PLCG1: variants seen among roughly 807,000 people sequenced by gnomAD.
PLCG1 encodes the protein phospholipase C gamma 1, also known as 1-phosphatidylinositol 4,5-bisphosphate phosphodiesterase gamma-1.
A neutral mutation model predicts 177.8 loss-of-function variants in PLCG1; 71 were observed. The observed-to-expected ratio is 0.40, with a 90% confidence interval of 0.33 to 0.49. The LOEUF (loss-of-function observed/expected upper bound fraction) is 0.49, where lower values mean the gene tolerates loss of function less well. Among genes scored for constraint, PLCG1 ranks in the 20% least tolerant of loss-of-function variants. The probability of loss-of-function intolerance (pLI) is 0.72; values close to 1 mark genes in which losing one functional copy is unlikely to be tolerated. For missense variants in PLCG1, 1,281 were observed against 1,709.0 expected, an observed-to-expected ratio of 0.75 and a Z score of 4.42; for synonymous variants, 658 against 647.9, an observed-to-expected ratio of 1.02 and a Z score of -0.24.
Position 41,152,082 on chromosome 20 carries a change from T to TGGA in PLCG1, c.218-7524_218-7523insGGA, listed in dbSNP as rs201712291. Among the ~76,000 whole-genome samples, 1,070 of 152,334 alleles carry TGGA rather than the reference T, an allele frequency of 7.0e-3. 13 individuals carry two copies. The highest frequency in any genetic ancestry group is 0.024 in the African/African-American group (1,013 of 41,574). ...CTCTGGTGGAGAAGGCTTAGCTCCA[T>TGGA]TAATGCTCTCCTAGGTCCTGGCTGT... On this transcript the variant is annotated intron_variant, in intron 1 of 31. Coordinates refer to ENST00000685551, the MANE Select transcript of PLCG1 (RefSeq NM_002660.3).
chr20:41,164,332 T>TACAC lies in PLCG1; in HGVS notation c.1217+131_1217+132insACAC. 3 of 919,468 alleles carry TACAC rather than the reference T, an allele frequency of 3.3e-6. No individual in the cohort carries two copies. The highest frequency in any genetic ancestry group is 1.6e-5 in the South Asian group (1 of 63,224). The allele number at this position is 919,468 out of a possible 1,614,324, so 57.0% of individuals were successfully genotyped here. On this transcript the variant is annotated intron_variant, in intron 12 of 31. Transcript: ENST00000685551. The surrounding 1 kb of genome is among the most constrained non-coding windows in gnomAD (Gnocchi z 6.4). ...CAGCCTTTCATCTTTGTCCTTCCTC[T>TACAC]TGGCCTCTCCTCGTCACCTGCTCCC...
In PLCG1 at chr20:41,173,377, G is replaced by A. The variant is rs368742823; in HGVS notation, c.3280-43G>A. ...AGCCTCCGCAGTGGGGAATTGGAGGGAGCAGGAAGGACAATCCCAGGCCCT... is the reference window on the plus strand; with the variant it reads ...AGCCTCCGCAGTGGGGAATTGGAGGAAGCAGGAAGGACAATCCCAGGCCCT... On this transcript the variant is annotated intron_variant, in intron 27 of 31. Coordinates refer to ENST00000685551, the MANE Select transcript of PLCG1 (RefSeq NM_002660.3). The surrounding 1 kb of genome is among the most constrained non-coding windows in gnomAD (Gnocchi z 6.2). 39 of 1,517,118 alleles carry A rather than the reference G, an allele frequency of 2.6e-5. No individual in the cohort carries two copies. The highest frequency in any genetic ancestry group is 1.0e-4 in the Admixed American group (5 of 48,542). 94.0% of individuals were successfully genotyped at this position (1,517,118 alleles called of 1,614,324 possible).
In PLCG1 at chr20:41,173,639, G is replaced by A. The variant is rs200515642; in HGVS notation, c.3395-13G>A. The A allele has an allele frequency of 6.1e-5, 98 of 1,614,146 alleles. No individual in the cohort carries two copies. Among genetic ancestry groups the A allele is most frequent in the South Asian group, 1.4e-4 (13 of 91,082 alleles). On this transcript the variant is annotated splice_polypyrimidine_tract_variant and intron_variant, in intron 28 of 31. Coordinates refer to ENST00000685551, the MANE Select transcript of PLCG1 (RefSeq NM_002660.3). This position sits in a 1 kb window ranked among gnomAD's most constrained non-coding sequence, Gnocchi z 6.2. ...CCACGGTGACCTGAAGCCTTTTGTC[G>A]TTGCCTTCACAGTGGACAATGGACT...
At chr20:41,149,274 G>T (rs1398127085) in intron 1 of PLCG1, among the ~76,000 whole-genome samples, 2 of 152,142 alleles carry the variant, frequency 1.3e-5, no homozygotes, top group African/African-American at 4.8e-5. Context: ...GCTCCTTGAG[G>T]TACTTGTATT....
rs192746025 is a variant in PLCG1, at chr20:41,150,609, T to C, written c.218-8997T>C. Among the ~76,000 whole-genome samples the C allele has an allele frequency of 2.0e-5, 3 of 152,236 alleles. No individual in the cohort carries two copies. Among genetic ancestry groups the C allele is most frequent in the South Asian group, 2.1e-4 (1 of 4,822 alleles). The stretch of plus-strand genomic sequence containing the variant: ...AATCTTCTGGGCTTGTGCAGAAAAG[T>C]TGGGGAAAGCCACCTTTCCCTACTG... On this transcript the variant is annotated intron_variant, in intron 1 of 31. Coordinates refer to ENST00000685551, the MANE Select transcript of PLCG1 (RefSeq NM_002660.3). The surrounding 1 kb of genome is among the most constrained non-coding windows in gnomAD (Gnocchi z 4.0).
In PLCG1 at chr20:41,159,636, C is replaced by T; in HGVS notation, c.248C>T (p.Pro83Leu). The T allele has an allele frequency of 6.2e-7, 1 of 1,614,208 alleles. No homozygotes were observed. Among genetic ancestry groups the T allele is most frequent in the African/African-American group, 1.3e-5 (1 of 75,052 alleles). Residue 83 changes from proline to leucine, a missense_variant, in exon 2 of 32, where the codon CCA becomes CTA. Around this residue, in one of 4 missense-constraint regions of PLCG1, gnomAD observed 374 missense variants for 443.8 expected, o/e 0.84. Transcript: ENST00000685551. The surrounding 1 kb of genome is among the most constrained non-coding windows in gnomAD (Gnocchi z 6.0). ...IDIREIKEIR[P>L]GKTSRDFDRY... Reference sequence around the variant, plus strand: ...ATTCGTGAAATTAAGGAGATCCGCCCAGGGAAGACCTCACGGGACTTTGAT... The same window carrying T: ...ATTCGTGAAATTAAGGAGATCCGCCTAGGGAAGACCTCACGGGACTTTGAT...
chr20:41,170,079 A>T, intron 23 of PLCG1, 33 bp from the exon 24 acceptor site: 1 of 1,580,020 alleles, frequency 6.3e-7, no homozygotes, highest in African/African-American at 1.3e-5. Flanking sequence ...TGAGATGTCT[A>T]TTCCCAGCTG....
Position 41,163,029 on chromosome 20 carries a change from G to A in PLCG1, c.716+37G>A, listed in dbSNP as rs1436027921. 6.2e-7 allele frequency: 1 copy of A among 1,606,436 alleles called. No homozygotes were observed. On this transcript the variant is annotated intron_variant, in intron 7 of 31. Transcript: ENST00000685551. The surrounding 1 kb of genome is among the most constrained non-coding windows in gnomAD (Gnocchi z 5.2). ...AGTGGGGAGGTGGGGTTTTCCCTGG[G>A]CCCCCTTCATCTCTCCACTGGGCGA...
Position 41,166,988 on chromosome 20 carries a change from C to G in PLCG1, c.2301+129C>G. On this transcript the variant is annotated intron_variant, in intron 19 of 31. Coordinates refer to ENST00000685551, the MANE Select transcript of PLCG1 (RefSeq NM_002660.3). The surrounding 1 kb of genome is among the most constrained non-coding windows in gnomAD (Gnocchi z 8.6). ...AAGTTCGTGGGAGGGCCCCTGACTCCAGCTGGGAGCCACAGTGTGGGTACC... is the reference window on the plus strand; with the variant it reads ...AAGTTCGTGGGAGGGCCCCTGACTCGAGCTGGGAGCCACAGTGTGGGTACC... 1 of 816,356 alleles carries G rather than the reference C, an allele frequency of 1.2e-6. No individual in the cohort carries two copies. The highest frequency in any genetic ancestry group is 2.0e-6 in the Non-Finnish European group (1 of 496,528). 50.6% of individuals were successfully genotyped at this position (816,356 alleles called of 1,614,324 possible). A position where few individuals can be genotyped will look rare whatever the true frequency, so the allele number is the denominator to read the frequency against.
Position 41,163,484 on chromosome 20 carries a change from G to A in PLCG1, c.891+5G>A, listed in dbSNP as rs779485110. 6.3e-7 allele frequency: 1 copy of A among 1,594,186 alleles called. No individual in the cohort carries two copies. The highest frequency in any genetic ancestry group is 8.6e-7 in the Non-Finnish European group (1 of 1,163,742). On this transcript the variant is annotated splice_donor_5th_base_variant and intron_variant, in intron 9 of 31. Coordinates refer to ENST00000685551, the MANE Select transcript of PLCG1 (RefSeq NM_002660.3). The surrounding 1 kb of genome is among the most constrained non-coding windows in gnomAD (Gnocchi z 5.2). ...CCATACTTCTTCCTGGATGAGGTGA[G>A]CCCGATGTTTCACCCATTTTTTGTC...
In PLCG1 at chr20:41,156,027, G is replaced by A. The variant is rs192634668; in HGVS notation, c.218-3579G>A. On this transcript the variant is annotated intron_variant, in intron 1 of 31. Coordinates refer to ENST00000685551, the MANE Select transcript of PLCG1 (RefSeq NM_002660.3). This position sits in a 1 kb window ranked among gnomAD's most constrained non-coding sequence, Gnocchi z 5.0. Reference sequence around the variant, plus strand: ...CCATCAGGGCAGGGAGCAGAGCAAGGCCCCAGGATTCTGCCTGGGGCACCA... The same window carrying A: ...CCATCAGGGCAGGGAGCAGAGCAAGACCCCAGGATTCTGCCTGGGGCACCA... 2.0e-5 allele frequency among the ~76,000 whole-genome samples: 3 copies of A among 152,292 alleles called. No homozygotes were observed. The highest frequency in any genetic ancestry group is 2.0e-4 in the Admixed American group (3 of 15,308).
rs2035806496 is a variant in PLCG1 at position 41,169,107 on chromosome 20, CAGCT to C, written c.2513_2516del (p.Gln838ArgfsTer30). 1.9e-6 allele frequency: 3 copies of C among 1,613,940 alleles called. No individual in the cohort carries two copies. Among genetic ancestry groups the C allele is most frequent in the Non-Finnish European group, 2.5e-6 (3 of 1,179,892 alleles). ...GCGAGGGGACTACGGAGGGAAGAAG[CAGCT>C]GTGGTTCCCATCAAACTACGTGGAA... On this transcript the variant is annotated frameshift_variant, in exon 22 of 32. Transcript: ENST00000685551. LOFTEE classifies it high-confidence loss of function.
In PLCG1 at chr20:41,162,514, G is replaced by A. The variant is rs2035541471; in HGVS notation, c.575G>A (p.Arg192His). The A allele has an allele frequency of 6.2e-7, 1 of 1,613,946 alleles. No individual in the cohort carries two copies. The highest frequency in any genetic ancestry group is 1.3e-5 in the African/African-American group (1 of 75,010). Residue 192 changes from arginine (R) to histidine (H), a missense_variant, in exon 5 of 32, where the codon CGC becomes CAC. Coordinates refer to ENST00000685551, the MANE Select transcript of PLCG1 (RefSeq NM_002660.3). ...SQVNYRVPNM[R>H]FLRERLTDLE... Reference sequence around the variant, plus strand: ...GTCAACTACCGGGTCCCCAACATGCGCTTCCTCCGAGAGCGGCTGACGGTA... The same window carrying A: ...GTCAACTACCGGGTCCCCAACATGCACTTCCTCCGAGAGCGGCTGACGGTA...
Position 41,150,218 on chromosome 20 carries a change from G to A in PLCG1, c.218-9388G>A, listed in dbSNP as rs555684250. Among the ~76,000 whole-genome samples, 109 of 152,300 alleles carry A rather than the reference G, an allele frequency of 7.2e-4. No individual in the cohort carries two copies. Among genetic ancestry groups the A allele is most frequent in the Admixed American group, 4.7e-3 (72 of 15,300 alleles). ...ATGGTGGCTCACACCTGTAATCCCA[G>A]CACTTTGGGAGGCCGAAGTGAGAGG... On this transcript the variant is annotated intron_variant, in intron 1 of 31. Transcript: ENST00000685551. The surrounding 1 kb of genome is among the most constrained non-coding windows in gnomAD (Gnocchi z 4.0).
intron 1 of PLCG1, among the ~76,000 whole-genome samples, chr20:41,145,192 G>T (rs1296736072): frequency 6.6e-6 from 1 of 152,172 alleles, no homozygotes. Flanking sequence ...TGTTTGCTAT[G>T]TGTGCTAACC....
intron 1 of PLCG1, among the ~76,000 whole-genome samples, chr20:41,138,365 T>C (rs993570978): frequency 6.6e-6 from 1 of 152,172 alleles, no homozygotes; most frequent in Non-Finnish European, 1.5e-5. Context: ...TAGGCAGATG[T>C]TGGGTAGGGC....
At position 41,148,605 on chromosome 20, in the gene PLCG1, C is replaced by T. The variant is rs1178320664; in HGVS notation, c.217+10747C>T. Among the ~76,000 whole-genome samples the T allele has an allele frequency of 6.6e-6, 1 of 152,092 alleles. No homozygotes were observed. The highest frequency in any genetic ancestry group is 1.9e-4 in the East Asian group (1 of 5,192). On this transcript the variant is annotated intron_variant, in intron 1 of 31. Coordinates refer to ENST00000685551, the MANE Select transcript of PLCG1 (RefSeq NM_002660.3). This position sits in a 1 kb window ranked among gnomAD's most constrained non-coding sequence, Gnocchi z 4.3. ...ATAGTATTTTTCTTGAATAAGGTCC[C>T]CAAAACCTTATTAAGTTCCTGGTAG...
Position 41,166,881 on chromosome 20 carries a change from G to A in PLCG1, c.2301+22G>A. On this transcript the variant is annotated intron_variant, in intron 19 of 31. Coordinates refer to ENST00000685551, the MANE Select transcript of PLCG1 (RefSeq NM_002660.3). The surrounding 1 kb of genome is among the most constrained non-coding windows in gnomAD (Gnocchi z 8.6). ...AGCTGTGAGGGGGCTGTGGTAGACG[G>A]GGCATGGCAGGGGAGGCAGGAGAGA... The A allele has an allele frequency of 6.2e-7, 1 of 1,607,312 alleles. No homozygotes were observed. Among genetic ancestry groups the A allele is most frequent in the South Asian group, 1.1e-5 (1 of 90,914 alleles).
rs946819768 is a variant in PLCG1 at position 41,147,419 on chromosome 20, C to T, written c.217+9561C>T. On this transcript the variant is annotated intron_variant, in intron 1 of 31. Coordinates refer to ENST00000685551, the MANE Select transcript of PLCG1 (RefSeq NM_002660.3). The surrounding 1 kb of genome is among the most constrained non-coding windows in gnomAD (Gnocchi z 4.0). ...ACTGGTCTACACCGGAAGCATGAAG[C>T]TCCATACAATCATGTGTGCTAGTAA... Among the ~76,000 whole-genome samples the T allele has an allele frequency of 3.3e-5, 5 of 152,230 alleles. No homozygotes were observed. Among genetic ancestry groups the T allele is most frequent in the Admixed American group, 2.0e-4 (3 of 15,288 alleles).
Sources: gnomAD v4.1 joint callset for allele counts (sites outside exome capture counted in the v4.1 genomes callset) on GRCh38, gnomAD v4.1.1 for gene constraint, gnomAD v4.1.1 regional missense constraint, Gnocchi (gnomAD v3.1) non-coding constraint, MANE v1.5 for transcripts, NCBI Gene and HGNC (gene_info 2026-07-23, HGNC 2026-07-21) for gene names.